Variants in YTHDC1 observed in about 807,000 individuals in gnomAD.
The protein encoded by YTHDC1 is YTH N6-methyladenosine RNA binding protein C1.
Under a neutral mutation model 107.0 loss-of-function variants are expected in YTHDC1, and 12 were observed. That is an observed-to-expected ratio of 0.11 (90% CI 0.07 to 0.18). YTHDC1 has a LOEUF of 0.18. Among genes scored for constraint, YTHDC1 ranks in the 10% least tolerant of loss-of-function variants. The pLI, the probability that YTHDC1 is intolerant of heterozygous loss-of-function variation, is 1.00. For synonymous variants in YTHDC1, 280 were observed against 289.5 expected, an observed-to-expected ratio of 0.97 and a Z score of 0.33; for missense variants, 635 against 898.8, an observed-to-expected ratio of 0.71 and a Z score of 3.75.
At position 68,314,321 on chromosome 4, in the gene YTHDC1, A is replaced by T. The variant is rs1578010867; in HGVS notation, c.1962T>A (p.His654Gln). ...HEARYRDKRV[H>Q]DYDMRVDDFL... Reference sequence around the variant, plus strand: ...AATCATCCACCCTCATATCATAATCATGCTAGAAAAGGAAAGAAATGTGTT... The same window carrying T: ...AATCATCCACCCTCATATCATAATCTTGCTAGAAAAGGAAAGAAATGTGTT... Residue 654 changes from histidine to glutamine, a missense_variant and splice_region_variant, in exon 17 of 17, where the codon CAT becomes CAA. His to Gln is a conservative substitution (Grantham distance 24, BLOSUM62 0). Coordinates refer to ENST00000344157, the MANE Select transcript of YTHDC1 (RefSeq NM_001031732.4). 1 of 1,613,946 alleles carries T rather than the reference A, an allele frequency of 6.2e-7. No individual in the cohort carries two copies. Among genetic ancestry groups the T allele is most frequent in the South Asian group, 1.1e-5 (1 of 91,074 alleles).
Position 68,336,967 on chromosome 4 carries a change from T to G in YTHDC1, c.883+60A>C. The G allele has an allele frequency of 2.6e-6, 4 of 1,519,542 alleles. No homozygotes were observed. The South Asian group carries it at 4.0e-5, about 15-fold the overall frequency. The allele number at this position is 1,519,542 out of a possible 1,614,324, so 94.1% of individuals were successfully genotyped here. On this transcript the variant is annotated intron_variant, in intron 4 of 16. Transcript: ENST00000344157. The stretch of plus-strand genomic sequence containing the variant: ...CAACAATTTTATAATTTAAACATTT[T>G]CAAGACTGAAACCTATCAAGCTTTT...
chr4:68,314,998 T>G (rs1227284248), intron 16 of YTHDC1, among the ~76,000 whole-genome samples: 1 of 152,130 alleles, frequency 6.6e-6, no homozygotes, highest in Admixed American at 6.5e-5. Context: ...ATTATGTAAG[T>G]AGAGAATATG....
chr4:68,314,090 A>C lies in YTHDC1; in HGVS notation c.*9T>G. 1 of 1,612,644 alleles carries C rather than the reference A, an allele frequency of 6.2e-7. No homozygotes were observed. The highest frequency in any genetic ancestry group is 8.5e-7 in the Non-Finnish European group (1 of 1,179,362). ...GTATCTTTAAACAATCAGTGCTTCCAAAAGCCCATTATCTTCTATATCGAC... is the reference window on the plus strand; with the variant it reads ...GTATCTTTAAACAATCAGTGCTTCCCAAAGCCCATTATCTTCTATATCGAC... On this transcript the variant is annotated 3_prime_UTR_variant, in exon 17 of 17. Transcript: ENST00000344157.
intron 1 of YTHDC1, among the ~76,000 whole-genome samples, chr4:68,345,227 T>C (rs1166713546): frequency 6.6e-6 from 1 of 152,060 alleles, no homozygotes; most frequent in Non-Finnish European, 1.5e-5. Context: ...GATATCAGGG[T>C]AGAAAATTAA....
At chr4:68,325,728 CTTTGACATTTTCCAGGGAAA>C (rs1722924105) in intron 9 of YTHDC1, among the ~76,000 whole-genome samples, 1 of 152,038 alleles carries the variant, frequency 6.6e-6, no homozygotes, top group Admixed American at 6.6e-5. Flanking sequence ...TCAGGAAAAA[CTTTGACATTTTCCAGGGAAA>C]TAGAAGTATT....
In YTHDC1 at chr4:68,312,086, C is replaced by A. The variant is rs1422137636; in HGVS notation, c.*2013G>T. The A allele has an allele frequency of 6.6e-6, 1 of 152,120 alleles. No homozygotes were observed. The highest frequency in any genetic ancestry group is 1.9e-4 in the East Asian group (1 of 5,186). 9.4% of individuals were successfully genotyped at this position (152,120 alleles called of 1,614,324 possible). A position where few individuals can be genotyped will look rare whatever the true frequency, so the allele number is the denominator to read the frequency against. On this transcript the variant is annotated 3_prime_UTR_variant, in exon 17 of 17. Transcript: ENST00000344157. Reference sequence around the variant, plus strand: ...GCAGTGAGCCAAGATCATGCCACTGCCCTCCACCTGGGCGACAGACTCCAT... The same window carrying A: ...GCAGTGAGCCAAGATCATGCCACTGACCTCCACCTGGGCGACAGACTCCAT...
At position 68,322,740 on chromosome 4, in the gene YTHDC1, G is replaced by A. The variant is rs374946737; in HGVS notation, c.1601+9C>T. 25 of 1,613,426 alleles carry A rather than the reference G, an allele frequency of 1.5e-5. No individual in the cohort carries two copies. The highest frequency in any genetic ancestry group is 1.9e-5 in the Non-Finnish European group (23 of 1,179,626). On this transcript the variant is annotated intron_variant, in intron 11 of 16. Coordinates refer to ENST00000344157, the MANE Select transcript of YTHDC1 (RefSeq NM_001031732.4). This position sits in a 1 kb window ranked among gnomAD's most constrained non-coding sequence, Gnocchi z 4.8. ...TGTGCCTATTATCAGTCCAAAGAAC[G>A]TTTCTAACCTTCCCACATCCCGGAC...
intron 15 of YTHDC1, among the ~76,000 whole-genome samples, chr4:68,317,813 G>A (rs1296710161): frequency 3.9e-5 from 6 of 152,206 alleles, no homozygotes; most frequent in South Asian, 4.1e-4. Flanking sequence ...AACAAGCACA[G>A]TGCCTTGCAC....
intron 16 of YTHDC1, chr4:68,315,715 G>GT (rs1236206408): frequency 6.6e-6 from 1 of 152,036 alleles, no homozygotes; most frequent in Admixed American, 6.6e-5. Flanking sequence ...CACTGGTCCT[G>GT]TTTTGAAGCC....
At chr4:68,330,907 G>A (rs546954191) in intron 7 of YTHDC1, among the ~76,000 whole-genome samples, 1 of 152,144 alleles carries the variant, frequency 6.6e-6, no homozygotes, top group South Asian at 2.1e-4. Context: ...AAAAAGAAAT[G>A]GAATAATAAG....
chr4:68,315,614 T>C (rs57643586), intron 16 of YTHDC1, among the ~76,000 whole-genome samples: 34,402 of 151,490 alleles, frequency 0.23, 4,557 homozygotes, highest in East Asian at 0.56. Flanking sequence ...TAAATAAAAG[T>C]ACTATTGGGG....
intron 4 of YTHDC1, among the ~76,000 whole-genome samples, chr4:68,335,394 A>G (rs1391397585): frequency 6.6e-6 from 1 of 152,164 alleles, no homozygotes; most frequent in African/African-American, 2.4e-5. Context: ...CTTTTAGAAT[A>G]AACCTAGTCT....
chr4:68,332,703 T>A (rs1723729817), intron 6 of YTHDC1, 91 bp downstream of exon 6: 2 of 1,155,736 alleles, frequency 1.7e-6, no homozygotes, highest in Admixed American at 4.1e-5. Context: ...GGAACATTAC[T>A]ACATTAAAAG....
rs1023801473 is a variant in YTHDC1, at chr4:68,311,165, A to G, written c.*2934T>C. 6.6e-6 allele frequency: 1 copy of G among 152,182 alleles called. No individual in the cohort carries two copies. The highest frequency in any genetic ancestry group is 2.4e-5 in the African/African-American group (1 of 41,434). The allele number at this position is 152,182 out of a possible 1,614,324, so 9.4% of individuals were successfully genotyped here. ...TGGATTACGGCTGGCTCCAAAACCAACATGGCTATTCAGTCCTTTTGGGGA... is the reference window on the plus strand; with the variant it reads ...TGGATTACGGCTGGCTCCAAAACCAGCATGGCTATTCAGTCCTTTTGGGGA... On this transcript the variant is annotated 3_prime_UTR_variant, in exon 17 of 17. Transcript: ENST00000344157.
At chr4:68,340,002 C>G (rs1242142622) in intron 1 of YTHDC1, among the ~76,000 whole-genome samples, 1 of 152,128 alleles carries the variant, frequency 6.6e-6, no homozygotes, top group South Asian at 2.1e-4. Flanking sequence ...ATTCCAATAT[C>G]AAAAACATCT....
In YTHDC1 at chr4:68,322,972, C is replaced by A; in HGVS notation, c.1435-57G>T. The A allele has an allele frequency of 6.4e-7, 1 of 1,556,512 alleles. No homozygotes were observed. Among genetic ancestry groups the A allele is most frequent in the Non-Finnish European group, 8.8e-7 (1 of 1,142,132 alleles). On this transcript the variant is annotated intron_variant, in intron 10 of 16. Coordinates refer to ENST00000344157, the MANE Select transcript of YTHDC1 (RefSeq NM_001031732.4). The surrounding 1 kb of genome is among the most constrained non-coding windows in gnomAD (Gnocchi z 4.8). ...AAAACAGACCCTTTCAACAGACTTG[C>A]ATTTTCCTGATGTACCAGAACAAAA...
intron 16 of YTHDC1, 72 bp from the exon 17 acceptor site, chr4:68,314,395 A>G: frequency 7.6e-7 from 1 of 1,323,408 alleles, no homozygotes; most frequent in Non-Finnish European, 1.0e-6. Context: ...TGATTTGAAA[A>G]AAAAATTTAT....
At chr4:68,338,166 T>G in intron 2 of YTHDC1, 117 bp downstream of exon 2, 2 of 1,299,092 alleles carry the variant, frequency 1.5e-6, no homozygotes, top group Non-Finnish European at 2.1e-6. Flanking sequence ...ATTATGTACA[T>G]TTAGTGTTAA....
chr4:68,345,196 G>C (rs1296107386), intron 1 of YTHDC1, among the ~76,000 whole-genome samples: 1 of 152,076 alleles, frequency 6.6e-6, no homozygotes. Flanking sequence ...GGCCAGGAAG[G>C]TCACAAACTT....
Sources: allele counts gnomAD v4.1 joint callset (sites outside exome capture counted in the v4.1 genomes callset), GRCh38; gene constraint gnomAD v4.1.1; non-coding constraint Gnocchi (gnomAD v3.1); transcripts MANE v1.5; gene names NCBI Gene and HGNC (gene_info 2026-07-23, HGNC 2026-07-21).